Variants in SLC35E4 observed in about 807,000 individuals in gnomAD.
SLC35E4 encodes the protein solute carrier family 35, member E4.
Under a neutral mutation model 19.3 loss-of-function variants are expected in SLC35E4, and 15 were observed. The observed-to-expected ratio is 0.78, with a 90% CI of 0.52 to 1.20. The LOEUF (loss-of-function observed/expected upper bound fraction) is 1.20. Among genes scored for constraint, SLC35E4 ranks in the 50% most tolerant of loss-of-function variants. The pLI, the probability that SLC35E4 is intolerant of heterozygous loss-of-function variation, is 0.00. For synonymous variants in SLC35E4, 219 were observed against 219.9 expected (o/e 1.00, Z 0.04); for missense variants, 406 against 472.3 (o/e 0.86, Z 1.30).
chr22:30,641,718 ATTTTTTTTTTTTTTTTT>A (rs56070783), intron 1 of SLC35E4, among the ~76,000 whole-genome samples: 1 of 108,948 alleles, frequency 9.2e-6, no homozygotes, highest in African/African-American at 3.4e-5. Flanking sequence ...CTAATTTTTA[ATTTTTTTTTTTTTTTTT>A]TTTTTTTTTT....
downstream of SLC35E4, among the ~76,000 whole-genome samples, chr22:30,648,137 C>T (rs181020079): frequency 1.3e-5 from 2 of 152,290 alleles, no homozygotes; most frequent in Admixed American, 1.3e-4. Flanking sequence ...GACCCCTTCA[C>T]CCAGAGGGAT....
At chr22:30,643,186 T>C (rs2088074462) in intron 1 of SLC35E4, among the ~76,000 whole-genome samples, 1 of 152,124 alleles carries the variant, frequency 6.6e-6, no homozygotes, top group Non-Finnish European at 1.5e-5. Context: ...GGGTGGGAAG[T>C]GGGGCGCCAG....
downstream of SLC35E4, among the ~76,000 whole-genome samples, chr22:30,666,650 A>G (rs2088682878): frequency 6.7e-6 from 1 of 149,156 alleles, no homozygotes; most frequent in African/African-American, 2.5e-5. Context: ...AAAAAAAGCA[A>G]TCTCTATCAG....
intron 2 of SLC35E4, among the ~76,000 whole-genome samples, chr22:30,655,284 T>C (rs1400312902): frequency 6.9e-6 from 1 of 145,294 alleles, no homozygotes; most frequent in Non-Finnish European, 1.5e-5. Flanking sequence ...AGCAAAACCC[T>C]GTCTCTACGG....
intron 1 of SLC35E4, among the ~76,000 whole-genome samples, chr22:30,644,089 C>T (rs984430746): frequency 1.3e-5 from 2 of 152,152 alleles, no homozygotes; most frequent in Admixed American, 6.5e-5. Context: ...AAAACCCAAC[C>T]GCCTTCTTGT....
Position 30,637,081 on chromosome 22 carries a change from G to C in SLC35E4, c.619+12G>C. ...GTCGGTTCAGCAAAGTAAGTGCCTG[G>C]GTGGCCAATTGAGAAGGTGGGGGTC... On this transcript the variant is annotated intron_variant, in intron 1 of 1. Coordinates refer to ENST00000343605, the MANE Select transcript of SLC35E4 (RefSeq NM_001001479.4). 6.5e-7 allele frequency: 1 copy of C among 1,548,128 alleles called. No individual in the cohort carries two copies. Among genetic ancestry groups the C allele is most frequent in the Non-Finnish European group, 8.7e-7 (1 of 1,143,150 alleles).
At position 30,640,424 on chromosome 22, in the gene SLC35E4, G is replaced by C. The variant is rs141971917; in HGVS notation, c.619+3355G>C. Among the ~76,000 whole-genome samples, 1,494 of 152,116 alleles carry C rather than the reference G, an allele frequency of 9.8e-3. 14 individuals are homozygous for C. Among genetic ancestry groups the C allele is most frequent in the South Asian group, 0.031 (147 of 4,816 alleles). ...AAAGAAGTTCATGATTTGCACAGAG[G>C]TCACGGGGTCCCTAATGATGTGAAG... On this transcript the variant is annotated intron_variant, in intron 1 of 1. Transcript: ENST00000343605.
chr22:30,655,001 C>A (rs745616457), intron 2 of SLC35E4, among the ~76,000 whole-genome samples: 1 of 152,156 alleles, frequency 6.6e-6, no homozygotes, highest in Non-Finnish European at 1.5e-5. Context: ...AGAACCAAGA[C>A]GACCTTGTGC....
chr22:30,660,971 G>A (rs959690171), intron 2 of SLC35E4, among the ~76,000 whole-genome samples: 3 of 151,696 alleles, frequency 2.0e-5, no homozygotes, highest in Non-Finnish European at 2.9e-5. Context: ...TCTAATCTCA[G>A]TAGCTGGGAT....
At chr22:30,663,469 C>T, downstream of SLC35E4, 1 of 1,612,590 alleles carries the variant, frequency 6.2e-7, no homozygotes, top group Non-Finnish European at 8.5e-7. Flanking sequence ...ACTTCCTTCT[C>T]ATAGATGTCA....
chr22:30,644,004 T>C (rs1208142229), intron 1 of SLC35E4, among the ~76,000 whole-genome samples: 1 of 152,008 alleles, frequency 6.6e-6, no homozygotes, highest in East Asian at 1.9e-4. Context: ...TGTGAGGAGA[T>C]GGGTGGGAAG....
downstream of SLC35E4, chr22:30,667,837 G>C (rs1313173606): frequency 2.0e-5 from 3 of 152,650 alleles, no homozygotes; most frequent in South Asian, 4.1e-4. Context: ...GGCTGCAGCC[G>C]AGAGACAGTC....
intron 2 of SLC35E4, among the ~76,000 whole-genome samples, chr22:30,659,806 G>A (rs1226258729): frequency 6.6e-6 from 1 of 152,204 alleles, no homozygotes; most frequent in Non-Finnish European, 1.5e-5. Flanking sequence ...TTTTATGTTA[G>A]TGGGCTCATT....
chr22:30,637,842 C>A (rs910357250), intron 1 of SLC35E4, among the ~76,000 whole-genome samples: 1 of 152,142 alleles, frequency 6.6e-6, no homozygotes, highest in Non-Finnish European at 1.5e-5. Flanking sequence ...TGGCCTGAGG[C>A]TTTGGACACA....
chr22:30,653,080 A>G (rs2088255095), intron 2 of SLC35E4, among the ~76,000 whole-genome samples: 1 of 152,108 alleles, frequency 6.6e-6, no homozygotes, highest in Non-Finnish European at 1.5e-5. Flanking sequence ...CATCCTCCCT[A>G]ACCAAGTATT....
At chr22:30,650,322 G>A (rs144705952), downstream of SLC35E4, among the ~76,000 whole-genome samples, 1 of 149,686 alleles carries the variant, frequency 6.7e-6, no homozygotes, top group Non-Finnish European at 1.5e-5. Context: ...ACAAGAGCAA[G>A]ACTTCGTCTC....
chr22:30,643,429 C>T (rs2088078745), intron 1 of SLC35E4, among the ~76,000 whole-genome samples: 1 of 152,144 alleles, frequency 6.6e-6, no homozygotes, highest in African/African-American at 2.4e-5. Flanking sequence ...ATGATGATGA[C>T]AATAATGTAA....
chr22:30,659,939 G>A lies in SLC35E4; in HGVS notation c.*9-2121G>A, dbSNP rs540244778. ...TCAACCTATTTCTGGAGGGGCACACGTAGAAAGCACCAGAATGTGGGCAGC... is the reference window on the plus strand; with the variant it reads ...TCAACCTATTTCTGGAGGGGCACACATAGAAAGCACCAGAATGTGGGCAGC... On this transcript the variant is annotated intron_variant, in intron 2 of 2. Coordinates refer to the SLC35E4 transcript ENST00000406566. Among the ~76,000 whole-genome samples, 127 of 152,254 alleles carry A rather than the reference G, an allele frequency of 8.3e-4. 1 individual carries two copies. The highest frequency in any genetic ancestry group is 3.0e-3 in the African/African-American group (124 of 41,532).
chr22:30,644,485 A>T (rs2088096550), intron 1 of SLC35E4, among the ~76,000 whole-genome samples: 1 of 152,178 alleles, frequency 6.6e-6, no homozygotes, highest in Non-Finnish European at 1.5e-5. Flanking sequence ...TCACACCTGT[A>T]ATCCCAGCAC....
Sources: allele counts gnomAD v4.1 joint callset (sites outside exome capture counted in the v4.1 genomes callset), GRCh38; gene constraint gnomAD v4.1.1; transcripts MANE v1.5; gene names NCBI Gene and HGNC (gene_info 2026-07-23, HGNC 2026-07-21).